BCL2L13: variants seen among roughly 807,000 people sequenced by gnomAD.
The protein encoded by BCL2L13 is bcl-2-like protein 13.
BCL2L13 carries 13 observed loss-of-function variants against 25.8 expected under a neutral mutation model. The observed-to-expected ratio is 0.50, with a 90% confidence interval of 0.33 to 0.80. The LOEUF (loss-of-function observed/expected upper bound fraction) is 0.80, where lower values mean the gene tolerates loss of function less well. Ranked by LOEUF, BCL2L13 falls within the 30% of genes least tolerant of loss-of-function variation. The pLI is 0.02. For missense variants in BCL2L13, 504 were observed against 574.9 expected, an observed-to-expected ratio of 0.88 and a Z score of 1.26; for synonymous variants, 244 against 230.3, an observed-to-expected ratio of 1.06 and a Z score of -0.54.
At position 17,693,368 on chromosome 22, in the gene BCL2L13, GTTTGTTTT is replaced by G. The variant is rs1390092312; in HGVS notation, c.387-2769_387-2762del. On this transcript the variant is annotated intron_variant, in intron 4 of 6. Transcript: ENST00000317582. The stretch of plus-strand genomic sequence containing the variant: ...TTATTTATTTATTTATTTATTTAGT[GTTTGTTTT>G]TTTTTTTTTTTTTTTTTTTTGGAGA... 5.7e-4 allele frequency among the ~76,000 whole-genome samples: 64 copies of G among 112,236 alleles called. 1 individual carries two copies. The highest frequency in any genetic ancestry group is 1.4e-3 in the Admixed American group (14 of 10,328). The allele number at this position is 112,236 out of a possible 152,430, so 73.6% of individuals were successfully genotyped here.
intron 6 of BCL2L13, among the ~76,000 whole-genome samples, chr22:17,724,428 T>C: frequency 6.6e-6 from 1 of 152,230 alleles, no homozygotes; most frequent in East Asian, 1.9e-4. Context: ...CTGTGAATTT[T>C]GTGGTCATAC....
chr22:17,684,946 A>C (rs546128389), intron 3 of BCL2L13, among the ~76,000 whole-genome samples: 7 of 151,840 alleles, frequency 4.6e-5, no homozygotes, highest in Admixed American at 4.6e-4. Context: ...GTTAGCCAGG[A>C]TGGTCTCGTT....
At chr22:17,689,678 A>C (rs771582729) in intron 4 of BCL2L13, among the ~76,000 whole-genome samples, 2 of 151,890 alleles carry the variant, frequency 1.3e-5, no homozygotes, top group Admixed American at 6.6e-5. Flanking sequence ...CCTCGTCTCT[A>C]CTAAAAATAT....
intron 1 of BCL2L13, among the ~76,000 whole-genome samples, chr22:17,655,246 A>G (rs1200094694): frequency 2.0e-5 from 3 of 151,074 alleles, no homozygotes; most frequent in Admixed American, 6.6e-5. Context: ...TCCAGTAACA[A>G]TGCCTTCTGG....
intron 2 of BCL2L13, among the ~76,000 whole-genome samples, chr22:17,670,534 C>G (rs2059384290): frequency 6.6e-6 from 1 of 151,994 alleles, no homozygotes; most frequent in African/African-American, 2.4e-5. Context: ...GCCATCATGC[C>G]TGGCTTATTT....
In BCL2L13 at chr22:17,727,095, A is replaced by C; in HGVS notation, c.1019A>C (p.Glu340Ala). 1 of 1,614,176 alleles carries C rather than the reference A, an allele frequency of 6.2e-7. No homozygotes were observed. The highest frequency in any genetic ancestry group is 8.5e-7 in the Non-Finnish European group (1 of 1,180,028). Reference protein sequence around the residue: ...PARELQEALPEAPAPLLPHIT... With the variant: ...PARELQEALPAAPAPLLPHIT... ...CGGGAGCTGCAAGAGGCACTTCCTG[A>C]AGCCCCAGCTCCCTTGCTTCCACAT... The change falls in exon 7 of 7, where the codon GAA (glutamate) becomes GCA (alanine). Residue 340 changes from glutamate (E) to alanine (A), a missense_variant. Physicochemically the swap from Glu to Ala is moderately radical, Grantham distance 107. Coordinates refer to ENST00000317582, the MANE Select transcript of BCL2L13 (RefSeq NM_015367.4).
At chr22:17,639,508 C>A (rs1257376727) in intron 1 of BCL2L13, among the ~76,000 whole-genome samples, 2 of 152,146 alleles carry the variant, frequency 1.3e-5, no homozygotes, top group East Asian at 3.8e-4. Context: ...CCTTCATAAC[C>A]GACTTTCTGA....
At chr22:17,641,626 A>G (rs996232705) in intron 1 of BCL2L13, among the ~76,000 whole-genome samples, 1 of 152,020 alleles carries the variant, frequency 6.6e-6, no homozygotes, top group African/African-American at 2.4e-5. Context: ...AGAGTTGTGC[A>G]CCCACCACCA....
At chr22:17,686,011 A>T (rs562645282) in intron 3 of BCL2L13, among the ~76,000 whole-genome samples, 43 of 150,614 alleles carry the variant, frequency 2.9e-4, no homozygotes, top group South Asian at 6.3e-4. Context: ...TGACCTCATG[A>T]CCCGCCCACC....
chr22:17,639,684 G>C (rs60334140), intron 1 of BCL2L13, among the ~76,000 whole-genome samples: 2,883 of 152,274 alleles, frequency 0.019, 86 homozygotes, highest in African/African-American at 0.066. Context: ...TAAGCTGAGA[G>C]CCCTCCCTCC....
At chr22:17,676,219 C>T (rs1314176817) in intron 2 of BCL2L13, among the ~76,000 whole-genome samples, 6 of 151,944 alleles carry the variant, frequency 3.9e-5, no homozygotes, top group East Asian at 1.9e-4. Context: ...CCCAGCACTT[C>T]GGGAGGCTGA....
intron 6 of BCL2L13, among the ~76,000 whole-genome samples, chr22:17,724,090 TAGAG>T (rs771608129): frequency 1.3e-4 from 19 of 151,844 alleles, no homozygotes; most frequent in Non-Finnish European, 2.5e-4. Flanking sequence ...CTGGGCAACA[TAGAG>T]AGACCCGTCT....
intron 6 of BCL2L13, among the ~76,000 whole-genome samples, chr22:17,724,034 A>T (rs1187045799): frequency 2.0e-5 from 3 of 152,176 alleles, no homozygotes; most frequent in Non-Finnish European, 4.4e-5. Context: ...GCACTTTGGG[A>T]CACTGAGGTG....
intron 3 of BCL2L13, 65 bp from the exon 4 acceptor site, chr22:17,688,921 C>T: frequency 6.6e-7 from 1 of 1,517,140 alleles, no homozygotes; most frequent in Non-Finnish European, 8.9e-7. Context: ...GCATGTGCCA[C>T]CACACCCAGC....
intron 2 of BCL2L13, among the ~76,000 whole-genome samples, chr22:17,658,827 G>A (rs1446636044): frequency 6.6e-6 from 1 of 151,516 alleles, no homozygotes; most frequent in Non-Finnish European, 1.5e-5. Flanking sequence ...GGGAGGCTGA[G>A]GCAGTTCACT....
chr22:17,719,153 CAAAAA>C (rs59630355), intron 6 of BCL2L13, among the ~76,000 whole-genome samples: 620 of 45,472 alleles, frequency 0.014, 5 homozygotes, highest in African/African-American at 0.025. Context: ...GGCTCTGTCT[CAAAAA>C]AAAAAAAAAA....
chr22:17,659,623 T>TG (rs1473789593), intron 2 of BCL2L13, among the ~76,000 whole-genome samples: 4 of 145,086 alleles, frequency 2.8e-5, no homozygotes, highest in Admixed American at 6.9e-5. Context: ...ATCATGCCAC[T>TG]GCACTCCAGC....
intron 3 of BCL2L13, among the ~76,000 whole-genome samples, chr22:17,688,106 A>G (rs1376014137): frequency 6.6e-6 from 1 of 152,204 alleles, no homozygotes; most frequent in African/African-American, 2.4e-5. Flanking sequence ...GGCATGCGCC[A>G]CCGCGCCCGG....
intron 1 of BCL2L13, among the ~76,000 whole-genome samples, chr22:17,643,169 A>G (rs1285258959): frequency 6.6e-6 from 1 of 152,170 alleles, no homozygotes; most frequent in African/African-American, 2.4e-5. Flanking sequence ...GGCCTGTTTT[A>G]ATTGGAAAGG....
Sources: allele counts gnomAD v4.1 joint callset (sites outside exome capture counted in the v4.1 genomes callset), GRCh38; gene constraint gnomAD v4.1.1; transcripts MANE v1.5; gene names NCBI Gene and HGNC (gene_info 2026-07-23, HGNC 2026-07-21).